The following NUP153 variants were observed in gnomAD, a reference collection of about 807,000 sequenced individuals.
NUP153 encodes nuclear pore complex protein Nup153.
A neutral mutation model predicts 134.6 loss-of-function variants in NUP153; 27 were observed. The ratio of observed to expected loss-of-function variants is 0.20; its 90% CI spans 0.15 to 0.28. NUP153 has a LOEUF of 0.28. NUP153 is among the 10% of genes least tolerant of loss of function. NUP153 has a pLI of 1.00. For missense variants in NUP153, 1,821 were observed against 1,731.3 expected, an observed-to-expected ratio of 1.05 and a Z score of -0.92; for synonymous variants, 640 against 623.5, an observed-to-expected ratio of 1.03 and a Z score of -0.40.
rs1766388098 is a variant in NUP153, at chr6:17,649,303, A to G, written c.1396-3T>C. Reference sequence around the variant, plus strand: ...GGTAATACTGGAACTTCCATTTCCTAAAACATAACATGTTGCATGATATAT... The same window carrying G: ...GGTAATACTGGAACTTCCATTTCCTGAAACATAACATGTTGCATGATATAT... On this transcript the variant is annotated splice_polypyrimidine_tract_variant and splice_region_variant and intron_variant, in intron 11 of 21. Transcript: ENST00000262077. The G allele has an allele frequency of 1.2e-6, 2 of 1,607,938 alleles. No homozygotes were observed. Among genetic ancestry groups the G allele is most frequent in the Non-Finnish European group, 1.7e-6 (2 of 1,178,126 alleles).
In NUP153 at chr6:17,649,277, C is replaced by A; in HGVS notation, c.1419G>T (p.Pro473=). 3 of 1,612,568 alleles carry A rather than the reference C, an allele frequency of 1.9e-6. No individual in the cohort carries two copies. The highest frequency in any genetic ancestry group is 1.7e-4 in the Middle Eastern group (1 of 6,056). ...EEEEMEVPVL[P]KISLPITSSS... is the part of the protein sequence containing the mutation. ...AACTGGTGATCGGTAGAGAGATTTT[C>A]GGTAATACTGGAACTTCCATTTCCT... The change falls in exon 12 of 22, where the codon CCG becomes CCT. Residue 473 remains proline, a synonymous_variant. Coordinates refer to ENST00000262077, the MANE Select transcript of NUP153 (RefSeq NM_005124.4).
rs1764663754 is a variant in NUP153, at chr6:17,621,960, ATATTT to A, written c.4174+2596_4174+2600del. On this transcript the variant is annotated intron_variant, in intron 20 of 21. Coordinates refer to ENST00000262077, the MANE Select transcript of NUP153 (RefSeq NM_005124.4). ...GTTTTTAAAAATGAAAAACTTTAAA[ATATTT>A]TTTTAAAGTTTTTCATTTTTATCAA... 2.6e-5 allele frequency among the ~76,000 whole-genome samples: 4 copies of A among 152,196 alleles called. No homozygotes were observed. In the South Asian group the frequency reaches 8.3e-4, roughly 32 times the overall value.
Position 17,628,805 on chromosome 6 carries a change from C to T in NUP153, c.3394G>A (p.Val1132Met). 6.2e-7 allele frequency: 1 copy of T among 1,614,114 alleles called. No homozygotes were observed. The highest frequency in any genetic ancestry group is 8.5e-7 in the Non-Finnish European group (1 of 1,180,006). The change falls in exon 18 of 22, where the codon GTG becomes ATG. Residue 1132 changes from valine (V) to methionine (M), a missense_variant. By Grantham distance (21) the Val-to-Met change is conservative. Transcript: ENST00000262077. This position sits in a 1 kb window ranked among gnomAD's most constrained non-coding sequence, Gnocchi z 5.4. ...TGCTCTGAATTCCCAAAGGAAAACA[C>T]TGGTTGACACTTTGGCTCTTCATTG... ...ADNEEPKCQP[V>M]FSFGNSEQTK...
chr6:17,627,184 C>G (rs1764989042), intron 18 of NUP153, among the ~76,000 whole-genome samples: 1 of 152,134 alleles, frequency 6.6e-6, no homozygotes, highest in Non-Finnish European at 1.5e-5. Flanking sequence ...TTCAACCTGG[C>G]TAATGGAAGA....
chr6:17,644,179 CTT>C (rs770902776), intron 14 of NUP153, among the ~76,000 whole-genome samples: 1 of 152,158 alleles, frequency 6.6e-6, no homozygotes, highest in Non-Finnish European at 1.5e-5. Context: ...TGTCCTGACT[CTT>C]TTTATTTTTT....
Position 17,615,282 on chromosome 6 carries a change from A to T in NUP153, c.*815T>A, listed in dbSNP as rs1764256808. ...CCCAATTTTTTTTTTAAAGATTTCC[A>T]AATGGATTTAGGCAACTTTGAATAA... On this transcript the variant is annotated 3_prime_UTR_variant, in exon 22 of 22. Transcript: ENST00000262077. The surrounding 1 kb of genome is among the most constrained non-coding windows in gnomAD (Gnocchi z 5.7). 1 of 152,630 alleles carries T rather than the reference A, an allele frequency of 6.6e-6. No homozygotes were observed. The highest frequency in any genetic ancestry group is 1.5e-5 in the Non-Finnish European group (1 of 68,042). 9.5% of individuals were successfully genotyped at this position (152,630 alleles called of 1,614,324 possible).
At position 17,632,850 on chromosome 6, in the gene NUP153, A is replaced by G. The variant is rs1284604576; in HGVS notation, c.2465-6T>C. The G allele has an allele frequency of 1.3e-6, 2 of 1,527,160 alleles. No individual in the cohort carries two copies. Among genetic ancestry groups the G allele is most frequent in the East Asian group, 2.3e-5 (1 of 43,436 alleles). 94.6% of individuals were successfully genotyped at this position (1,527,160 alleles called of 1,614,324 possible). A position where few individuals can be genotyped will look rare whatever the true frequency, so the allele number is the denominator to read the frequency against. Reference sequence around the variant, plus strand: ...TGAAGCAGGTACTGAACTTCCTAAAAAAAAAAAAAAAAACGGGGAGTGGGG... The same window carrying G: ...TGAAGCAGGTACTGAACTTCCTAAAGAAAAAAAAAAAAACGGGGAGTGGGG... On this transcript the variant is annotated splice_region_variant and splice_polypyrimidine_tract_variant and intron_variant, in intron 16 of 21. Transcript: ENST00000262077.
At chr6:17,662,746 G>C (rs1767271961) in intron 9 of NUP153, among the ~76,000 whole-genome samples, 2 of 152,170 alleles carry the variant, frequency 1.3e-5, no homozygotes, top group Admixed American at 6.5e-5. Flanking sequence ...CTGGTAGCCT[G>C]TGCCTTCTGA....
chr6:17,649,111 A>T, intron 12 of NUP153, 52 bp downstream of exon 12: 1 of 1,481,912 alleles, frequency 6.7e-7, no homozygotes, highest in Admixed American at 2.3e-5. Flanking sequence ...TTTTTTAAAT[A>T]AAGAATTAAG....
intron 1 of NUP153, among the ~76,000 whole-genome samples, chr6:17,694,418 G>A (rs144475380): frequency 2.7e-3 from 414 of 152,284 alleles, no homozygotes; most frequent in African/African-American, 9.2e-3. Context: ...CAGCACTTCC[G>A]GAGGCCGACG....
At chr6:17,619,719 T>A (rs981918841) in intron 20 of NUP153, 7 of 152,292 alleles carry the variant, frequency 4.6e-5, no homozygotes, top group Admixed American at 1.3e-4. Flanking sequence ...GAACTATTAT[T>A]GTTAAAATGG....
chr6:17,637,317 G>C lies in NUP153; in HGVS notation c.2300C>G (p.Ala767Gly). 1 of 1,614,174 alleles carries C rather than the reference G, an allele frequency of 6.2e-7. No homozygotes were observed. The highest frequency in any genetic ancestry group is 8.5e-7 in the Non-Finnish European group (1 of 1,180,034). The change falls in exon 16 of 22, where the codon GCT becomes GGT. Residue 767 changes from alanine to glycine, a missense_variant. Ala to Gly is a moderately conservative substitution (Grantham distance 60, BLOSUM62 0). Transcript: ENST00000262077. ...ALTLTVVSES[A>G]ETMTASSSSC... ...GGAAGATGAAGCAGTCATAGTCTCAGCACTTTCCGAAACCACTGTCAATGT... is the reference window on the plus strand; with the variant it reads ...GGAAGATGAAGCAGTCATAGTCTCACCACTTTCCGAAACCACTGTCAATGT...
Position 17,675,318 on chromosome 6 carries a change from C to T in NUP153, c.634G>A (p.Ala212Thr), listed in dbSNP as rs1290103415. The T allele has an allele frequency of 1.2e-6, 2 of 1,614,020 alleles. No homozygotes were observed. Among genetic ancestry groups the T allele is most frequent in the Non-Finnish European group, 1.7e-6 (2 of 1,179,978 alleles). ...TSLPPLWSPE[A>T]ERSHSLSQHT... ...TGTGAGAGTGAGTGAGAACGTTCAGCTTCTGGGGACCACAGAGGTGGCAAT... is the reference window on the plus strand; with the variant it reads ...TGTGAGAGTGAGTGAGAACGTTCAGTTTCTGGGGACCACAGAGGTGGCAAT... The change falls in exon 4 of 22, where the codon GCT (alanine) becomes ACT (threonine). Residue 212 changes from alanine (A) to threonine (T), a missense_variant. By Grantham distance (58) the Ala-to-Thr change is moderately conservative. Coordinates refer to ENST00000262077, the MANE Select transcript of NUP153 (RefSeq NM_005124.4). This position sits in a 1 kb window ranked among gnomAD's most constrained non-coding sequence, Gnocchi z 4.4.
intron 9 of NUP153, among the ~76,000 whole-genome samples, chr6:17,662,720 C>T (rs961591017): frequency 1.3e-5 from 2 of 152,132 alleles, no homozygotes; most frequent in Non-Finnish European, 2.9e-5. Flanking sequence ...AACCACACTG[C>T]CAGGAATGGG....
intron 11 of NUP153, among the ~76,000 whole-genome samples, chr6:17,655,731 A>G (rs1446198537): frequency 1.3e-5 from 2 of 152,142 alleles, no homozygotes; most frequent in Non-Finnish European, 2.9e-5. Flanking sequence ...CTGGGATTAC[A>G]GGTGTGAGCC....
chr6:17,635,530 T>C (rs1003605744), intron 16 of NUP153, among the ~76,000 whole-genome samples: 4 of 152,158 alleles, frequency 2.6e-5, no homozygotes, highest in Non-Finnish European at 4.4e-5. Context: ...GCCTCCTAAG[T>C]AGCTGGGACT....
chr6:17,655,280 T>A (rs1367213388), intron 11 of NUP153, among the ~76,000 whole-genome samples: 1 of 152,144 alleles, frequency 6.6e-6, no homozygotes, highest in African/African-American at 2.4e-5. Flanking sequence ...CATATAGAGT[T>A]CTATTAACCT....
intron 18 of NUP153, 82 bp from the exon 19 acceptor site, chr6:17,626,246 G>C: frequency 9.9e-7 from 1 of 1,007,196 alleles, no homozygotes; most frequent in South Asian, 1.6e-5. Flanking sequence ...ACAATTGCTA[G>C]AATTTTCCTA....
chr6:17,634,771 T>C (rs1305107333), intron 16 of NUP153, among the ~76,000 whole-genome samples: 1 of 152,142 alleles, frequency 6.6e-6, no homozygotes, highest in Non-Finnish European at 1.5e-5. Flanking sequence ...CTTCAGCAGC[T>C]TGAAATCAAC....
Sources: allele counts gnomAD v4.1 joint callset (sites outside exome capture counted in the v4.1 genomes callset), GRCh38; gene constraint gnomAD v4.1.1; non-coding constraint Gnocchi (gnomAD v3.1); transcripts MANE v1.5; gene names NCBI Gene and HGNC (gene_info 2026-07-23, HGNC 2026-07-21).